Variants in ADSS1 observed in about 807,000 individuals in gnomAD.
ADSS1 encodes the protein adenylosuccinate synthase 1, also known as adenylosuccinate synthetase isozyme 1.
ADSS1 carries 57 observed loss-of-function variants against 59.1 expected under a neutral mutation model. The ratio of observed to expected loss-of-function variants is 0.97; its 90% confidence interval spans 0.78 to 1.20. The LOEUF (loss-of-function observed/expected upper bound fraction) is 1.20, where lower values mean the gene tolerates loss of function less well. Among genes scored for constraint, ADSS1 ranks in the 50% most tolerant of loss-of-function variants. The pLI, the probability that ADSS1 is intolerant of heterozygous loss-of-function variation, is 0.00. For synonymous variants in ADSS1, 247 were observed against 249.4 expected, an observed-to-expected ratio of 0.99 and a Z score of 0.09; for missense variants, 603 against 610.3, an observed-to-expected ratio of 0.99 and a Z score of 0.13.
chr14:104,726,580 C>A lies in ADSS1; in HGVS notation c.192+2118C>A, dbSNP rs1473048140. Among the ~76,000 whole-genome samples the A allele has an allele frequency of 1.3e-5, 2 of 152,228 alleles. 1 individual carries two copies. Among genetic ancestry groups the A allele is most frequent in the Admixed American group, 1.3e-4 (2 of 15,292 alleles). On this transcript the variant is annotated intron_variant, in intron 1 of 12. Coordinates refer to ENST00000330877, the MANE Select transcript of ADSS1 (RefSeq NM_152328.5). The stretch of plus-strand genomic sequence containing the variant: ...CACACCATGTCTGACCACCCCATGT[C>A]GTCAGAGGCTGGCAGAGGGTCTGGC...
intron 1 of ADSS1, among the ~76,000 whole-genome samples, chr14:104,725,525 G>A (rs947766418): frequency 3.3e-5 from 5 of 152,004 alleles, no homozygotes; most frequent in Admixed American, 2.0e-4. Context: ...AGGGCTGTCC[G>A]AGCCCCTCCT....
Position 104,746,934 on chromosome 14 carries a change from C to T in ADSS1, c.1322-17C>T. ...TGCCTCCAGTGTGTATCATAACAGT[C>T]TTTTCTGCTCTCTCAGTCAAATGGG... On this transcript the variant is annotated splice_polypyrimidine_tract_variant and intron_variant, in intron 12 of 12. Coordinates refer to ENST00000330877, the MANE Select transcript of ADSS1 (RefSeq NM_152328.5). 6.2e-7 allele frequency: 1 copy of T among 1,613,942 alleles called. No individual in the cohort carries two copies. The highest frequency in any genetic ancestry group is 8.5e-7 in the Non-Finnish European group (1 of 1,179,844).
intron 1 of ADSS1, among the ~76,000 whole-genome samples, chr14:104,725,157 T>C (rs1890683342): frequency 6.6e-6 from 1 of 152,150 alleles, no homozygotes; most frequent in African/African-American, 2.4e-5. Context: ...AGACCTGCTT[T>C]GTCCCCCAGG....
At chr14:104,724,546 C>G in intron 1 of ADSS1, 84 bp downstream of exon 1, 2 of 1,228,522 alleles carry the variant, frequency 1.6e-6, no homozygotes, top group Non-Finnish European at 2.0e-6. Context: ...CCTCCCATGC[C>G]CTGGCCGGTC....
chr14:104,738,506 C>G (rs544593137), intron 3 of ADSS1, 68 bp downstream of exon 3: 19 of 1,561,182 alleles, frequency 1.2e-5, no homozygotes, highest in East Asian at 9.0e-5. Context: ...TTGGCTGGAG[C>G]CTTCCTGAGG....
At chr14:104,730,456 C>T (rs760845005) in intron 1 of ADSS1, among the ~76,000 whole-genome samples, 29 of 152,244 alleles carry the variant, frequency 1.9e-4, no homozygotes, top group South Asian at 6.2e-4. Context: ...CACCATTGCA[C>T]TCCAACCTGG....
intron 10 of ADSS1, 100 bp from the exon 11 acceptor site, chr14:104,744,712 C>G: frequency 8.6e-7 from 1 of 1,162,278 alleles, no homozygotes. Context: ...CTGGGGACCC[C>G]TGCTGTAAGT....
rs1351523360 is a variant in ADSS1, at chr14:104,729,865, G to A, written c.193-5155G>A. The A allele has an allele frequency of 2.8e-6, 4 of 1,432,592 alleles. No individual in the cohort carries two copies. In the South Asian group the frequency reaches 5.7e-5, roughly 20 times the overall value. The allele number at this position is 1,432,592 out of a possible 1,614,324, so 88.7% of individuals were successfully genotyped here. A position where few individuals can be genotyped will look rare whatever the true frequency, so the allele number is the denominator to read the frequency against. On this transcript the variant is annotated intron_variant, in intron 1 of 12. Coordinates refer to ENST00000330877, the MANE Select transcript of ADSS1 (RefSeq NM_152328.5). ...CGTCGTGGGGAGGAGCGTGGCGTCG[G>A]CGTCGTGGGGAGGAGCGTGGCGTCG...
chr14:104,730,019 A>T (rs1890861564), intron 1 of ADSS1: 1 of 1,592,146 alleles, frequency 6.3e-7, no homozygotes, highest in South Asian at 1.1e-5. Context: ...GCCTCCAAGG[A>T]GTCTCCAGTT....
intron 2 of ADSS1, among the ~76,000 whole-genome samples, chr14:104,736,071 C>T (rs1335300642): frequency 6.6e-6 from 1 of 152,194 alleles, no homozygotes. Flanking sequence ...AGGAAGATAG[C>T]GCGGAGGTGG....
intron 1 of ADSS1, 79 bp from the exon 2 acceptor site, chr14:104,734,941 A>C: frequency 7.9e-7 from 1 of 1,259,982 alleles, no homozygotes; most frequent in Non-Finnish European, 1.1e-6. Flanking sequence ...GGGACAGACG[A>C]AGCCCCATGT....
chr14:104,743,906 G>A (rs1891464404), intron 10 of ADSS1, among the ~76,000 whole-genome samples: 2 of 152,242 alleles, frequency 1.3e-5, no homozygotes, highest in Non-Finnish European at 1.5e-5. Flanking sequence ...TCACGTGCTA[G>A]GGCCAGCATG....
At chr14:104,730,016 A>G in intron 1 of ADSS1, 1 of 1,592,380 alleles carries the variant, frequency 6.3e-7, no homozygotes, top group Non-Finnish European at 8.5e-7. Context: ...GCTGCCTCCA[A>G]GGAGTCTCCA....
Position 104,739,700 on chromosome 14 carries a change from C to T in ADSS1, c.410-50C>T, listed in dbSNP as rs376631598. On this transcript the variant is annotated intron_variant, in intron 4 of 12. Coordinates refer to ENST00000330877, the MANE Select transcript of ADSS1 (RefSeq NM_152328.5). ...GTGAGGTCCATGTATACACATCTGT[C>T]CTCTGCTTCTCTCCTGTCTCCTGCT... is the stretch of plus-strand genomic sequence containing the variant. The T allele has an allele frequency of 4.4e-5, 70 of 1,597,570 alleles. No homozygotes were observed. The African/African-American group carries it at 8.7e-4, about 20-fold the overall frequency.
chr14:104,728,551 G>GT (rs1371323603), intron 1 of ADSS1, among the ~76,000 whole-genome samples: 1 of 152,184 alleles, frequency 6.6e-6, no homozygotes, highest in Non-Finnish European at 1.5e-5. Context: ...GTGAAGCAGT[G>GT]TAAGTGGGTG....
chr14:104,731,289 C>T (rs1356157507), intron 1 of ADSS1, among the ~76,000 whole-genome samples: 4 of 152,194 alleles, frequency 2.6e-5, no homozygotes, highest in Non-Finnish European at 4.4e-5. Context: ...CATGATGTGG[C>T]CCTGCAGCTG....
intron 10 of ADSS1, chr14:104,743,407 A>G: frequency 1.7e-6 from 1 of 594,840 alleles, no homozygotes; most frequent in Non-Finnish European, 2.9e-6. Context: ...ACAAACTCCC[A>G]CCCCAGGGCT....
intron 12 of ADSS1, 85 bp from the exon 13 acceptor site, chr14:104,746,866 C>T (rs1891579816): frequency 5.0e-6 from 7 of 1,408,558 alleles, no homozygotes; most frequent in Admixed American, 1.7e-5. Context: ...ATTTGAACTA[C>T]ACAGAAAGAT....
At chr14:104,736,059 G>A (rs1010379055) in intron 2 of ADSS1, among the ~76,000 whole-genome samples, 3 of 152,234 alleles carry the variant, frequency 2.0e-5, no homozygotes, top group Non-Finnish European at 4.4e-5. Flanking sequence ...GTGAGCAGAG[G>A]GAGGAAGATA....
Sources: gnomAD v4.1 joint callset for allele counts (sites outside exome capture counted in the v4.1 genomes callset) on GRCh38, gnomAD v4.1.1 for gene constraint, MANE v1.5 for transcripts, NCBI Gene and HGNC (gene_info 2026-07-23, HGNC 2026-07-21) for gene names.